The following GABBR2 variants were observed in gnomAD, a reference collection of about 807,000 sequenced individuals.
GABBR2 encodes the protein G-protein coupled receptor 51.
In GABBR2, 23 loss-of-function variants were observed where a neutral mutation model predicts 105.6. The observed-to-expected ratio is 0.22, with a 90% confidence interval of 0.16 to 0.31. The LOEUF (loss-of-function observed/expected upper bound fraction) is 0.31. Among genes scored for constraint, GABBR2 ranks in the 10% least tolerant of loss-of-function variants. The pLI, the probability that GABBR2 is intolerant of heterozygous loss-of-function variation, is 1.00. For synonymous variants in GABBR2, 478 were observed against 499.7 expected (o/e 0.96, Z 0.58); for missense variants, 734 against 1,245.5 (o/e 0.59, Z 6.18).
intron 1 of GABBR2, among the ~76,000 whole-genome samples, chr9:98,686,495 A>C (rs1238563210): frequency 6.6e-6 from 1 of 152,074 alleles, no homozygotes; most frequent in Non-Finnish European, 1.5e-5. Context: ...CTCCCAGTTC[A>C]AGTGATTCTC....
Position 98,606,997 on chromosome 9 carries a change from T to C in GABBR2, c.322-28925A>G, listed in dbSNP as rs569332795. 2.0e-5 allele frequency: 18 copies of C among 890,020 alleles called. No individual in the cohort carries two copies. The African/African-American group carries it at 2.5e-4, about 12-fold the overall frequency. 55.1% of individuals were successfully genotyped at this position (890,020 alleles called of 1,614,324 possible). A position where few individuals can be genotyped will look rare whatever the true frequency, so the allele number is the denominator to read the frequency against. ...CCGCTGCTCGCCCCATGTCGCTCGG[T>C]AGCTCAACAGAAGACCCCTGAAGGC... On this transcript the variant is annotated intron_variant, in intron 1 of 18. Coordinates refer to ENST00000259455, the MANE Select transcript of GABBR2 (RefSeq NM_005458.8).
chr9:98,488,541 T>C (rs1827107689), intron 4 of GABBR2, among the ~76,000 whole-genome samples: 1 of 152,172 alleles, frequency 6.6e-6, no homozygotes, highest in African/African-American at 2.4e-5. Context: ...AGGGTCTTCA[T>C]GATGTTGCAC....
At chr9:98,369,264 C>T (rs1389158000) in intron 12 of GABBR2, among the ~76,000 whole-genome samples, 1 of 152,200 alleles carries the variant, frequency 6.6e-6, no homozygotes, top group Non-Finnish European at 1.5e-5. Context: ...CCCTTCCCCA[C>T]TCTAAATGCA....
chr9:98,596,430 C>G (rs942760508), intron 1 of GABBR2, among the ~76,000 whole-genome samples: 12 of 152,146 alleles, frequency 7.9e-5, no homozygotes, highest in African/African-American at 2.9e-4. Context: ...GGGGTGGGGG[C>G]TCTGGCTTAT....
Position 98,659,912 on chromosome 9 carries a change from T to C in GABBR2, c.321+48505A>G, listed in dbSNP as rs547220346. On this transcript the variant is annotated intron_variant, in intron 1 of 18. Coordinates refer to ENST00000259455, the MANE Select transcript of GABBR2 (RefSeq NM_005458.8). ...GTAGTTTGCTGTCCTGTGATATGGA[T>C]TAGAAACTCCATTAAACTGTTACTT... Among the ~76,000 whole-genome samples the C allele has an allele frequency of 2.9e-4, 44 of 152,258 alleles. 1 individual carries two copies. The highest frequency in any genetic ancestry group is 2.2e-3 in the Admixed American group (34 of 15,284).
At chr9:98,472,196 T>C (rs886452530) in intron 6 of GABBR2, among the ~76,000 whole-genome samples, 2 of 152,246 alleles carry the variant, frequency 1.3e-5, no homozygotes, top group Non-Finnish European at 2.9e-5. Context: ...TGTGCATTGC[T>C]GTGCTGAATT....
At chr9:98,297,567 C>T (rs10985780) in intron 17 of GABBR2, among the ~76,000 whole-genome samples, 20,925 of 151,528 alleles carry the variant, frequency 0.14, 1,764 homozygotes, top group Non-Finnish European at 0.18. Flanking sequence ...GAGCCGAGAT[C>T]GTGCCATTGC....
intron 8 of GABBR2, among the ~76,000 whole-genome samples, chr9:98,400,067 TC>T (rs1466882371): frequency 1.3e-5 from 2 of 150,720 alleles, no homozygotes; most frequent in Non-Finnish European, 2.9e-5. Context: ...CGCCTGTAGT[TC>T]AGCTACTTGG....
rs938108962 is a variant in GABBR2 at position 98,447,912 on chromosome 9, A to G, written c.1236+6069T>C. Among the ~76,000 whole-genome samples the G allele has an allele frequency of 5.3e-5, 8 of 152,218 alleles. 1 individual carries two copies. In the South Asian group the frequency reaches 1.7e-3, roughly 32 times the overall value. ...AAATCTTGCAGAAACTTTAAGGGGT[A>G]TACTGGCTAAGGCTGGATCCCTCTT... On this transcript the variant is annotated intron_variant, in intron 7 of 18. Transcript: ENST00000259455.
chr9:98,651,013 C>T (rs529964552), intron 1 of GABBR2, among the ~76,000 whole-genome samples: 2 of 152,062 alleles, frequency 1.3e-5, no homozygotes, highest in African/African-American at 4.8e-5. Flanking sequence ...TGATGGTTGG[C>T]CACAATGTGA....
intron 1 of GABBR2, among the ~76,000 whole-genome samples, chr9:98,703,594 G>C (rs975771932): frequency 6.6e-6 from 1 of 152,054 alleles, no homozygotes; most frequent in Non-Finnish European, 1.5e-5. Context: ...CTAGGCTCTA[G>C]CAATCCTCCT....
In GABBR2 at chr9:98,521,855, T is replaced by C. The variant is rs559300521; in HGVS notation, c.630+20018A>G. Among the ~76,000 whole-genome samples, 15 of 152,272 alleles carry C rather than the reference T, an allele frequency of 9.9e-5. No homozygotes were observed. The East Asian group carries it at 2.5e-3, about 25-fold the overall frequency. ...GAAGGCATAAAATGCATATGGAACCTATGAAAACTTTCTGAAACATAAAGG... is the reference window on the plus strand; with the variant it reads ...GAAGGCATAAAATGCATATGGAACCCATGAAAACTTTCTGAAACATAAAGG... On this transcript the variant is annotated intron_variant, in intron 3 of 18. Transcript: ENST00000259455.
intron 1 of GABBR2, among the ~76,000 whole-genome samples, chr9:98,705,980 G>T (rs1830886771): frequency 6.6e-6 from 1 of 152,070 alleles, no homozygotes; most frequent in African/African-American, 2.4e-5. Flanking sequence ...GGAGGCTGAG[G>T]CAGGAGAATC....
intron 1 of GABBR2, among the ~76,000 whole-genome samples, chr9:98,581,496 A>G (rs1398932836): frequency 1.6e-4 from 21 of 131,716 alleles, no homozygotes; most frequent in African/African-American, 4.9e-4. Flanking sequence ...AAAGGAAGGA[A>G]GAGAGGGAGG....
intron 2 of GABBR2, among the ~76,000 whole-genome samples, chr9:98,564,822 A>C (rs1180325410): frequency 6.6e-6 from 1 of 152,148 alleles, no homozygotes; most frequent in African/African-American, 2.4e-5. Flanking sequence ...GGATTGTAAT[A>C]TATTGAGGAA....
chr9:98,408,978 A>T (rs563919766), intron 7 of GABBR2, among the ~76,000 whole-genome samples: 11 of 152,316 alleles, frequency 7.2e-5, no homozygotes, highest in African/African-American at 2.2e-4. Flanking sequence ...TTGGGTAGTT[A>T]GGGAAGACTC....
chr9:98,565,263 C>T (rs189434742), intron 2 of GABBR2, among the ~76,000 whole-genome samples: 65 of 152,272 alleles, frequency 4.3e-4, no homozygotes, highest in African/African-American at 1.5e-3. Context: ...AAGGCTGCTC[C>T]TCTACTCTGT....
At chr9:98,387,571 C>G (rs1832096484) in intron 10 of GABBR2, among the ~76,000 whole-genome samples, 1 of 152,200 alleles carries the variant, frequency 6.6e-6, no homozygotes, top group South Asian at 2.1e-4. Flanking sequence ...GAAGAAAACT[C>G]TTTTCTGTTT....
chr9:98,664,612 G>T (rs532247145), intron 1 of GABBR2, among the ~76,000 whole-genome samples: 1 of 152,084 alleles, frequency 6.6e-6, no homozygotes, highest in Non-Finnish European at 1.5e-5. Flanking sequence ...CAGTCTGAAG[G>T]GCCTCTGGAC....
Sources: allele counts gnomAD v4.1 joint callset (sites outside exome capture counted in the v4.1 genomes callset), GRCh38; gene constraint gnomAD v4.1.1; transcripts MANE v1.5; gene names NCBI Gene and HGNC (gene_info 2026-07-23, HGNC 2026-07-21).